The following NT5DC1 variants were observed in gnomAD, a reference collection of about 807,000 sequenced individuals.
The protein encoded by NT5DC1 is 5'-nucleotidase domain-containing protein 1.
NT5DC1 carries 42 observed loss-of-function variants against 59.4 expected under a neutral mutation model. The observed-to-expected ratio is 0.71, with a 90% CI of 0.55 to 0.92. NT5DC1 has a LOEUF of 0.92. Ranked by LOEUF, NT5DC1 falls within the 40% of genes least tolerant of loss-of-function variation. The pLI is 0.00. For missense variants in NT5DC1, 501 were observed against 537.1 expected (o/e 0.93, Z 0.66); for synonymous variants, 172 against 188.1 (o/e 0.91, Z 0.70).
At position 116,248,158 on chromosome 6, in the gene NT5DC1, A is replaced by G. The variant is rs1771884443; in HGVS notation, c.*4134A>G. 6.6e-6 allele frequency: 1 copy of G among 152,214 alleles called. No individual in the cohort carries two copies. Among genetic ancestry groups the G allele is most frequent in the Non-Finnish European group, 1.5e-5 (1 of 68,034 alleles). 9.4% of individuals were successfully genotyped at this position (152,214 alleles called of 1,614,324 possible). On this transcript the variant is annotated 3_prime_UTR_variant, in exon 12 of 12. Coordinates refer to ENST00000319550, the MANE Select transcript of NT5DC1 (RefSeq NM_152729.3). Reference sequence around the variant, plus strand: ...TGCCAAATTTATTACGATAGCTGTGATAGAGTAGAAGTTATGCTAGCTTGA... The same window carrying G: ...TGCCAAATTTATTACGATAGCTGTGGTAGAGTAGAAGTTATGCTAGCTTGA...
At chr6:116,185,611 A>T (rs1780978299) in intron 6 of NT5DC1, among the ~76,000 whole-genome samples, 1 of 152,090 alleles carries the variant, frequency 6.6e-6, no homozygotes, top group Non-Finnish European at 1.5e-5. Flanking sequence ...TTTTATCCTT[A>T]TATAATGTCC....
At chr6:116,136,306 G>A (rs1012948208) in intron 6 of NT5DC1, among the ~76,000 whole-genome samples, 8 of 151,968 alleles carry the variant, frequency 5.3e-5, no homozygotes, top group Non-Finnish European at 7.4e-5. Flanking sequence ...ACATGTTGGT[G>A]TGTATGTATG....
intron 6 of NT5DC1, chr6:116,145,626 A>G (rs1779879737): frequency 1.2e-5 from 2 of 166,324 alleles, no homozygotes; most frequent in Admixed American, 6.2e-5. Context: ...ATGTTACATA[A>G]TCTACTCTTA....
chr6:116,104,031 T>G (rs140504586), intron 1 of NT5DC1, among the ~76,000 whole-genome samples: 2,751 of 152,270 alleles, frequency 0.018, 35 homozygotes, highest in Non-Finnish European at 0.029. Context: ...GCAACTGCAG[T>G]AGAACGTGTA....
intron 6 of NT5DC1, among the ~76,000 whole-genome samples, chr6:116,155,735 A>G (rs1780172948): frequency 1.3e-5 from 2 of 151,266 alleles, no homozygotes; most frequent in Admixed American, 1.3e-4. Context: ...TACACAAAGA[A>G]ATAATGTACT....
At chr6:116,163,138 AAAAAT>A (rs1376767118) in intron 6 of NT5DC1, among the ~76,000 whole-genome samples, 2 of 118,334 alleles carry the variant, frequency 1.7e-5, no homozygotes, top group Non-Finnish European at 3.5e-5. Flanking sequence ...AAAAAAAAAA[AAAAAT>A]ATATATATAT....
chr6:116,182,222 A>AGAGAGAGAGTGTGTGTGTGTGTGTGT (rs148509481), intron 6 of NT5DC1, among the ~76,000 whole-genome samples: 2 of 124,688 alleles, frequency 1.6e-5, no homozygotes, highest in South Asian at 5.7e-4. Context: ...TTCCATGGAG[A>AGAGAGAGAGTGTGTGTGTGTGTGTGT]GTGTGTGTGT....
chr6:116,141,092 A>C (rs1779753754), intron 6 of NT5DC1, among the ~76,000 whole-genome samples: 2 of 152,152 alleles, frequency 1.3e-5, no homozygotes, highest in Non-Finnish European at 2.9e-5. Flanking sequence ...ACTTGGTGTC[A>C]TTTAAACTTC....
chr6:116,120,324 A>G (rs111033544), intron 6 of NT5DC1: 1 of 1,614,114 alleles, frequency 6.2e-7, no homozygotes. Context: ...TATGAAAAAT[A>G]GTATATTCCT....
intron 6 of NT5DC1, among the ~76,000 whole-genome samples, chr6:116,168,812 T>G (rs372347893): frequency 5.3e-5 from 8 of 152,326 alleles, no homozygotes; most frequent in Middle Eastern, 3.4e-3. Context: ...GGAGAACTTA[T>G]GTTTGCTTCT....
In NT5DC1 at chr6:116,249,214, C is replaced by T. The variant is rs1424941482; in HGVS notation, c.*5190C>T. On this transcript the variant is annotated 3_prime_UTR_variant, in exon 12 of 12. Coordinates refer to ENST00000319550, the MANE Select transcript of NT5DC1 (RefSeq NM_152729.3). ...AGTTCTCTAGCCCTAGAAAAAAATA[C>T]CTCAGCAAGAAATTGCAAGTAATAA... 1 of 152,134 alleles carries T rather than the reference C, an allele frequency of 6.6e-6. No homozygotes were observed. Among genetic ancestry groups the T allele is most frequent in the South Asian group, 2.1e-4 (1 of 4,828 alleles). 9.4% of individuals were successfully genotyped at this position (152,134 alleles called of 1,614,324 possible). A position where few individuals can be genotyped will look rare whatever the true frequency, so the allele number is the denominator to read the frequency against.
intron 8 of NT5DC1, among the ~76,000 whole-genome samples, chr6:116,229,427 G>A (rs887260016): frequency 6.6e-6 from 1 of 152,206 alleles, no homozygotes; most frequent in African/African-American, 2.4e-5. Flanking sequence ...TGGCCTTAGC[G>A]AGTCGCACAG....
chr6:116,134,550 T>G lies in NT5DC1; in HGVS notation c.529+16605T>G, dbSNP rs183743984. On this transcript the variant is annotated intron_variant, in intron 6 of 11. Transcript: ENST00000319550. ...ACTAAGAGCGTCAGGACATCAGATT[T>G]CCATGTTTATTGAGGTGGATGGTTT... is the stretch of plus-strand genomic sequence containing the variant. 2.6e-3 allele frequency among the ~76,000 whole-genome samples: 394 copies of G among 152,264 alleles called. 10 individuals carry two copies. In the South Asian group the frequency reaches 0.043, roughly 17 times the overall value.
chr6:116,231,130 C>T (rs1194738500), intron 8 of NT5DC1, among the ~76,000 whole-genome samples: 1 of 109,478 alleles, frequency 9.1e-6, no homozygotes, highest in Admixed American at 9.9e-5. Context: ...AAAAAAAGAA[C>T]TATGAATGAA....
At chr6:116,205,509 G>A (rs1346702433) in intron 6 of NT5DC1, among the ~76,000 whole-genome samples, 1 of 151,868 alleles carries the variant, frequency 6.6e-6, no homozygotes, top group African/African-American at 2.4e-5. Context: ...TCCCTCTGGA[G>A]CCCCACAGTC....
intron 6 of NT5DC1, among the ~76,000 whole-genome samples, chr6:116,209,460 G>T (rs145447473): frequency 5.1e-4 from 77 of 152,100 alleles, no homozygotes; most frequent in African/African-American, 1.8e-3. Flanking sequence ...TTTCTTAAAA[G>T]ATCTCAGAGT....
chr6:116,212,935 T>G (rs759048084), intron 6 of NT5DC1, among the ~76,000 whole-genome samples: 2 of 152,188 alleles, frequency 1.3e-5, no homozygotes, highest in Non-Finnish European at 2.9e-5. Context: ...TTATATGCAG[T>G]AGAAACCTTT....
intron 6 of NT5DC1, among the ~76,000 whole-genome samples, chr6:116,184,764 G>C (rs1461887010): frequency 2.0e-5 from 3 of 151,766 alleles, no homozygotes; most frequent in Non-Finnish European, 4.4e-5. Flanking sequence ...AGCTTATTTG[G>C]TTCTTCTCTC....
intron 6 of NT5DC1, among the ~76,000 whole-genome samples, chr6:116,155,299 G>GA (rs1780158520): frequency 6.6e-6 from 1 of 152,090 alleles, no homozygotes; most frequent in Non-Finnish European, 1.5e-5. Flanking sequence ...GATAATCTGA[G>GA]AAAAATAATA....
Sources: gnomAD v4.1 joint callset for allele counts (sites outside exome capture counted in the v4.1 genomes callset) on GRCh38, gnomAD v4.1.1 for gene constraint, MANE v1.5 for transcripts, NCBI Gene and HGNC (gene_info 2026-07-23, HGNC 2026-07-21) for gene names.